The following USH2A variants were observed in gnomAD, a reference collection of about 807,000 sequenced individuals.
The protein encoded by USH2A is usherin.
Under a neutral mutation model 538.9 loss-of-function variants are expected in USH2A, and 443 were observed. The observed-to-expected ratio is 0.82, with a 90% CI of 0.76 to 0.89. USH2A has a LOEUF of 0.89. Among genes scored for constraint, USH2A ranks in the 40% least tolerant of loss-of-function variants. The probability of loss-of-function intolerance (pLI) is 0.00; values close to 1 mark genes in which losing one functional copy is unlikely to be tolerated. For missense variants in USH2A, 6,633 were observed against 6,324.8 expected (o/e 1.05, Z -1.65); for synonymous variants, 2,413 against 2,273.5 (o/e 1.06, Z -1.75).
At chr1:215,823,616 TA>T (rs1375965709) in intron 47 of USH2A, among the ~76,000 whole-genome samples, 1 of 152,060 alleles carries the variant, frequency 6.6e-6, no homozygotes, top group African/African-American at 2.4e-5. Context: ...ATCTTTCTTT[TA>T]AAAAGCTTTC....
intron 14 of USH2A, among the ~76,000 whole-genome samples, chr1:216,227,899 C>CA (rs1339304053): frequency 6.6e-6 from 1 of 152,110 alleles, no homozygotes; most frequent in African/African-American, 2.4e-5. Flanking sequence ...CAGATCAGGG[C>CA]AGGTGTAGGG....
intron 15 of USH2A, among the ~76,000 whole-genome samples, chr1:216,213,646 T>C (rs1209468423): frequency 6.6e-6 from 1 of 151,828 alleles, no homozygotes; most frequent in Non-Finnish European, 1.5e-5. Flanking sequence ...AAGATAAAAA[T>C]GGAGAATTTT....
intron 58 of USH2A, among the ~76,000 whole-genome samples, chr1:215,757,412 C>A (rs1386358811): frequency 6.6e-6 from 1 of 152,128 alleles, no homozygotes. Context: ...CTGTTCAATT[C>A]AATAAAAATA....
intron 38 of USH2A, among the ~76,000 whole-genome samples, chr1:215,911,248 A>C (rs2102479240): frequency 6.6e-6 from 1 of 152,064 alleles, no homozygotes; most frequent in African/African-American, 2.4e-5. Flanking sequence ...TATACGCTTA[A>C]GTTATTATTG....
intron 61 of USH2A, 113 bp from the exon 62 acceptor site, chr1:215,680,489 A>G: frequency 1.0e-6 from 1 of 990,784 alleles, no homozygotes; most frequent in South Asian, 1.3e-5. Flanking sequence ...ACAGCAGCGC[A>G]AACACTACAG....
Position 215,624,871 on chromosome 1 carries a change from C to T in USH2A, c.*910G>A, listed in dbSNP as rs961540840. ...ATACATTTTTCCTTTTAAAATTTCA[C>T]GCAGCCTAATATTGCAAATAGAACA... On this transcript the variant is annotated 3_prime_UTR_variant, in exon 72 of 72. Coordinates refer to ENST00000307340, the MANE Select transcript of USH2A (RefSeq NM_206933.4). 2 of 152,098 alleles carry T rather than the reference C, an allele frequency of 1.3e-5. No individual in the cohort carries two copies. The highest frequency in any genetic ancestry group is 4.8e-5 in the African/African-American group (2 of 41,426). The allele number at this position is 152,098 out of a possible 1,614,324, so 9.4% of individuals were successfully genotyped here.
At position 215,648,622 on chromosome 1, in the gene USH2A, A is replaced by G. The variant is rs894630032; in HGVS notation, c.14488T>C (p.Ser4830Pro). The G allele has an allele frequency of 6.2e-7, 1 of 1,614,076 alleles. No homozygotes were observed. Among genetic ancestry groups the G allele is most frequent in the African/African-American group, 1.3e-5 (1 of 74,934 alleles). ...AELRTHPAPPSGLSSPQIGTL... is the reference protein window; with the variant it reads ...AELRTHPAPPPGLSSPQIGTL... ...CCGATTTGTGGAGAGGACAGTCCTG[A>G]GGGTGGGGCAGGATGGGTTCTCAGT... Residue 4830 changes from serine to proline, a missense_variant, in exon 66 of 72, where the codon TCA becomes CCA. By Grantham distance (74) the Ser-to-Pro change is moderately conservative. Transcript: ENST00000307340.
At chr1:215,828,954 T>A (rs1424906417) in intron 47 of USH2A, among the ~76,000 whole-genome samples, 3 of 152,196 alleles carry the variant, frequency 2.0e-5, no homozygotes, top group Non-Finnish European at 4.4e-5. Context: ...CCCGTTATCT[T>A]CATCCAGGTC....
intron 35 of USH2A, among the ~76,000 whole-genome samples, chr1:215,981,882 C>T (rs950180207): frequency 1.3e-5 from 2 of 152,086 alleles, no homozygotes; most frequent in South Asian, 2.1e-4. Flanking sequence ...GAGCACTATG[C>T]TATTGACATA....
chr1:216,205,412 G>A (rs1039672052), intron 16 of USH2A, among the ~76,000 whole-genome samples: 14 of 152,236 alleles, frequency 9.2e-5, no homozygotes, highest in Middle Eastern at 6.8e-3. Context: ...ATGAAGTTCA[G>A]AGTTTCCATT....
chr1:216,165,815 T>TC (rs1403806482), intron 21 of USH2A, among the ~76,000 whole-genome samples: 1 of 151,786 alleles, frequency 6.6e-6, no homozygotes, highest in Non-Finnish European at 1.5e-5. Context: ...CCAGTTTTTT[T>TC]TTTTTTTCAA....
chr1:216,204,996 T>A (rs1159592519), intron 16 of USH2A, among the ~76,000 whole-genome samples: 1 of 152,182 alleles, frequency 6.6e-6, no homozygotes, highest in Non-Finnish European at 1.5e-5. Flanking sequence ...TAAGAAAATG[T>A]TATTTGGATT....
chr1:215,941,826 C>G (rs1209193222), intron 37 of USH2A, among the ~76,000 whole-genome samples: 1 of 152,086 alleles, frequency 6.6e-6, no homozygotes, highest in Non-Finnish European at 1.5e-5. Context: ...AGAGCAACGA[C>G]TTGGGGGTCT....
In USH2A at chr1:215,798,952, C is replaced by T. The variant is rs751744234; in HGVS notation, c.9913G>A (p.Glu3305Lys). The T allele has an allele frequency of 1.2e-6, 2 of 1,614,140 alleles. No homozygotes were observed. Among genetic ancestry groups the T allele is most frequent in the Non-Finnish European group, 1.7e-6 (2 of 1,180,010 alleles). ...ACTCCTTCTTCTCCACCACAACACT[C>T]TAAATCGTTGCTCACAATCTGTCTG... ...CGRQIVSNDL[E>K]CCGGEEGVVY... Residue 3305 changes from glutamate to lysine, a missense_variant, in exon 50 of 72, where the codon GAG becomes AAG. Coordinates refer to ENST00000307340, the MANE Select transcript of USH2A (RefSeq NM_206933.4).
chr1:215,965,458 C>T lies in USH2A; in HGVS notation c.6979G>A (p.Ala2327Thr), dbSNP rs747835402. The change falls in exon 37 of 72, where the codon GCT becomes ACT. Residue 2327 changes from alanine (A) to threonine (T), a missense_variant. Ala to Thr is a moderately conservative substitution (Grantham distance 58). Transcript: ENST00000307340. ...GPLVENRTLE[A>T]PPEGTVNVFV... ...ACATTTACTGTTCCTTCAGGAGGAG[C>T]TTCTAGAGTTCGATTTTCCACCTGT... 6 of 1,613,558 alleles carry T rather than the reference C, an allele frequency of 3.7e-6. No homozygotes were observed. In the African/African-American group the frequency reaches 8.0e-5, roughly 22 times the overall value.
intron 37 of USH2A, among the ~76,000 whole-genome samples, chr1:215,938,597 A>G (rs868594488): frequency 7.1e-4 from 108 of 152,256 alleles, no homozygotes; most frequent in African/African-American, 2.6e-3. Context: ...GCAGGCGACC[A>G]TTCCTGTCTG....
intron 23 of USH2A, among the ~76,000 whole-genome samples, chr1:216,088,145 C>T (rs1215248872): frequency 6.6e-6 from 1 of 152,020 alleles, no homozygotes; most frequent in East Asian, 1.9e-4. Flanking sequence ...TTGCTGTCCT[C>T]GCAACCCAAA....
chr1:216,064,183 A>T (rs1228914648), intron 30 of USH2A, among the ~76,000 whole-genome samples: 1 of 152,146 alleles, frequency 6.6e-6, no homozygotes, highest in African/African-American at 2.4e-5. Context: ...ATGAATTTTT[A>T]TTTTATAATG....
chr1:215,651,335 G>A (rs569465414), intron 64 of USH2A, among the ~76,000 whole-genome samples: 6 of 152,320 alleles, frequency 3.9e-5, no homozygotes, highest in African/African-American at 7.2e-5. Flanking sequence ...ATTTGCATGA[G>A]TAAGTAATTT....
Sources: allele counts gnomAD v4.1 joint callset (sites outside exome capture counted in the v4.1 genomes callset), GRCh38; gene constraint gnomAD v4.1.1; transcripts MANE v1.5; gene names NCBI Gene and HGNC (gene_info 2026-07-23, HGNC 2026-07-21).